Variants in ANKRD44 observed in about 807,000 individuals in gnomAD.
The protein encoded by ANKRD44 is serine/threonine-protein phosphatase 6 regulatory ankyrin repeat subunit B.
In ANKRD44, 35 loss-of-function variants were observed where a neutral mutation model predicts 116.0. The ratio of observed to expected loss-of-function variants is 0.30; its 90% confidence interval spans 0.23 to 0.40. ANKRD44 has a LOEUF of 0.40. Ranked by LOEUF, ANKRD44 falls within the 10% of genes least tolerant of loss-of-function variation. The pLI, the probability that ANKRD44 is intolerant of heterozygous loss-of-function variation, is 1.00. For missense variants in ANKRD44, 1,014 were observed against 1,242.6 expected, an observed-to-expected ratio of 0.82 and a Z score of 2.77; for synonymous variants, 435 against 461.8, an observed-to-expected ratio of 0.94 and a Z score of 0.74.
At chr2:197,067,015 G>T (rs1439803092) in intron 16 of ANKRD44, among the ~76,000 whole-genome samples, 1 of 152,238 alleles carries the variant, frequency 6.6e-6, no homozygotes, top group African/African-American at 2.4e-5. Flanking sequence ...GAGGCATCAT[G>T]CTACCTGACT....
At chr2:197,210,426 G>T (rs939834357) in intron 1 of ANKRD44, among the ~76,000 whole-genome samples, 3 of 152,216 alleles carry the variant, frequency 2.0e-5, no homozygotes, top group Non-Finnish European at 1.5e-5. Flanking sequence ...ATGTTATAAA[G>T]CTAGTGAGGG....
chr2:197,213,004 G>T (rs1477824983), intron 1 of ANKRD44, among the ~76,000 whole-genome samples: 5 of 152,180 alleles, frequency 3.3e-5, no homozygotes, highest in African/African-American at 1.2e-4. Context: ...CTTATCTGGT[G>T]CTCAAAGAAA....
intron 16 of ANKRD44, among the ~76,000 whole-genome samples, chr2:197,050,928 G>T (rs1182797956): frequency 6.6e-6 from 1 of 151,614 alleles, no homozygotes; most frequent in Admixed American, 6.6e-5. Flanking sequence ...CTAGTACCCT[G>T]GGATATCTCT....
rs1301334178 is a variant in ANKRD44 at position 196,989,864 on chromosome 2, A to G, written c.2924-215T>C. On this transcript the variant is annotated intron_variant, in intron 27 of 27. Transcript: ENST00000282272. ...AATGCTGATGATTCTGATGTTTTTTAAAAGTTAGTATTTTGATTTAAGAAT... is the reference window on the plus strand; with the variant it reads ...AATGCTGATGATTCTGATGTTTTTTGAAAGTTAGTATTTTGATTTAAGAAT... 6 of 1,222,756 alleles carry G rather than the reference A, an allele frequency of 4.9e-6. No individual in the cohort carries two copies. The African/African-American group carries it at 6.2e-5, about 13-fold the overall frequency. The allele number at this position is 1,222,756 out of a possible 1,614,324, so 75.7% of individuals were successfully genotyped here.
intron 16 of ANKRD44, chr2:197,078,404 C>T (rs2077720021): frequency 3.6e-6 from 2 of 550,282 alleles, no homozygotes; most frequent in Admixed American, 3.7e-5. Flanking sequence ...TCTATACCAA[C>T]TTCCATGGCA....
chr2:197,075,125 GC>G (rs746544786), intron 16 of ANKRD44, among the ~76,000 whole-genome samples: 1 of 152,002 alleles, frequency 6.6e-6, no homozygotes, highest in East Asian at 1.9e-4. Flanking sequence ...GTAATCAGAG[GC>G]CTAGAGTTTT....
intron 4 of ANKRD44, among the ~76,000 whole-genome samples, chr2:197,127,781 T>C (rs2697266): frequency 0.94 from 142,538 of 152,230 alleles, 66,943 homozygotes; most frequent in East Asian, 1. Flanking sequence ...AGGTATTAAG[T>C]CCAGCATCTG....
intron 4 of ANKRD44, among the ~76,000 whole-genome samples, chr2:197,130,592 T>G (rs2079072373): frequency 6.6e-6 from 1 of 152,230 alleles, no homozygotes; most frequent in Non-Finnish European, 1.5e-5. Flanking sequence ...GCACTAAAGC[T>G]GGGTACCGCT....
intron 25 of ANKRD44, among the ~76,000 whole-genome samples, chr2:196,995,780 T>C (rs1169466334): frequency 3.9e-5 from 6 of 152,212 alleles, no homozygotes; most frequent in Admixed American, 6.5e-5. Context: ...AACTAGGGAA[T>C]AGAAATAGGA....
chr2:197,213,610 T>C (rs1272575903), intron 1 of ANKRD44, among the ~76,000 whole-genome samples: 1 of 152,218 alleles, frequency 6.6e-6, no homozygotes, highest in Non-Finnish European at 1.5e-5. Context: ...AGTCTTATCA[T>C]GCCACAATTA....
At chr2:197,166,948 T>C (rs1228453010) in intron 2 of ANKRD44, among the ~76,000 whole-genome samples, 1 of 152,236 alleles carries the variant, frequency 6.6e-6, no homozygotes, top group Non-Finnish European at 1.5e-5. Context: ...CTGAGAGAAA[T>C]TACTTTGTCC....
intron 12 of ANKRD44, 54 bp from the exon 13 acceptor site, chr2:197,086,802 T>C (rs2077935057): frequency 2.2e-5 from 34 of 1,543,420 alleles, no homozygotes; most frequent in Non-Finnish European, 3.0e-5. Context: ...TACTGGCCTA[T>C]CTTCAGCAAG....
chr2:197,157,255 A>C (rs1206461712), intron 2 of ANKRD44, among the ~76,000 whole-genome samples: 1 of 152,246 alleles, frequency 6.6e-6, no homozygotes, highest in Non-Finnish European at 1.5e-5. Flanking sequence ...GAAATAGCAA[A>C]ATCGAATTAA....
intron 1 of ANKRD44, among the ~76,000 whole-genome samples, chr2:197,261,784 A>G (rs2082612133): frequency 6.6e-6 from 1 of 152,182 alleles, no homozygotes; most frequent in South Asian, 2.1e-4. Flanking sequence ...GAGATGTTAT[A>G]CTACTAAGAC....
At chr2:197,285,770 T>C (rs570252747) in intron 1 of ANKRD44, among the ~76,000 whole-genome samples, 6 of 152,334 alleles carry the variant, frequency 3.9e-5, no homozygotes, top group African/African-American at 1.4e-4. Context: ...AACCTCATTA[T>C]GGTTGACAAA....
At position 197,102,044 on chromosome 2, in the gene ANKRD44, G is replaced by A. The variant is rs1375964152; in HGVS notation, c.986-2114C>T. Among the ~76,000 whole-genome samples, 8 of 149,818 alleles carry A rather than the reference G, an allele frequency of 5.3e-5. No homozygotes were observed. In the South Asian group the frequency reaches 1.3e-3, roughly 24 times the overall value. On this transcript the variant is annotated intron_variant, in intron 9 of 27. Coordinates refer to ENST00000282272, the MANE Select transcript of ANKRD44 (RefSeq NM_001195144.2). ...GTTTTAGTTTATGCTTCTGTGTTTC[G>A]CTTTGCAAAAAAAAACAAAAAACAA... is the stretch of plus-strand genomic sequence containing the variant.
intron 16 of ANKRD44, among the ~76,000 whole-genome samples, chr2:197,071,342 T>G (rs929162547): frequency 2.0e-5 from 3 of 152,192 alleles, no homozygotes; most frequent in Non-Finnish European, 4.4e-5. Flanking sequence ...TGCTAAAAAT[T>G]TCTTTCTCAG....
chr2:197,118,235 A>T (rs1177657205), intron 8 of ANKRD44, among the ~76,000 whole-genome samples: 4 of 151,354 alleles, frequency 2.6e-5, no homozygotes, highest in Non-Finnish European at 5.9e-5. Flanking sequence ...ATAATAATAA[A>T]AATAATTTTT....
intron 9 of ANKRD44, among the ~76,000 whole-genome samples, chr2:197,104,991 G>A (rs953181538): frequency 1.3e-5 from 2 of 152,136 alleles, no homozygotes; most frequent in East Asian, 1.9e-4. Context: ...AGCTGTTTAC[G>A]AAAAGGGAAT....
Sources: allele counts gnomAD v4.1 joint callset (sites outside exome capture counted in the v4.1 genomes callset), GRCh38; gene constraint gnomAD v4.1.1; transcripts MANE v1.5; gene names NCBI Gene and HGNC (gene_info 2026-07-23, HGNC 2026-07-21).